UBE2D3: variants seen among roughly 807,000 people sequenced by gnomAD.
UBE2D3 encodes ubiquitin conjugating enzyme E2 D3.
Under a neutral mutation model 22.8 loss-of-function variants are expected in UBE2D3, and 2 were observed. The observed-to-expected ratio is 0.09, with a 90% CI of 0.04 to 0.28. UBE2D3 has a LOEUF of 0.28. UBE2D3 is among the 10% of genes least tolerant of loss of function. The pLI is 1.00. For synonymous variants in UBE2D3, 56 were observed against 60.4 expected (o/e 0.93, Z 0.34); for missense variants, 27 against 182.5 (o/e 0.15, Z 4.91).
intron 4 of UBE2D3, among the ~76,000 whole-genome samples, chr4:102,806,028 T>C (rs1255800158): frequency 6.6e-6 from 1 of 152,220 alleles, no homozygotes; most frequent in African/African-American, 2.4e-5. Context: ...GATGTTATCT[T>C]CAGCCTAGAT....
intron 2 of UBE2D3, 22 bp from the exon 3 acceptor site, chr4:102,809,877 G>T (rs1452607567): frequency 6.2e-7 from 1 of 1,608,986 alleles, no homozygotes; most frequent in East Asian, 2.2e-5. Flanking sequence ...CAGAAAATGG[G>T]TGAGTCACAT....
rs368348288 is a variant in UBE2D3 at position 102,821,007 on chromosome 4, A to G, written c.24+5478T>C. 3.9e-5 allele frequency among the ~76,000 whole-genome samples: 6 copies of G among 152,294 alleles called. No individual in the cohort carries two copies. The South Asian group carries it at 6.2e-4, about 16-fold the overall frequency. Reference sequence around the variant, plus strand: ...ATCAGATGTTTCAACAAAGTATAAAAATACTTCCCTAAACTTTTCCCTTCC... The same window carrying G: ...ATCAGATGTTTCAACAAAGTATAAAGATACTTCCCTAAACTTTTCCCTTCC... On this transcript the variant is annotated intron_variant, in intron 2 of 7. Coordinates refer to ENST00000453744, the MANE Select transcript of UBE2D3 (RefSeq NM_181891.3).
intron 2 of UBE2D3, among the ~76,000 whole-genome samples, chr4:102,821,609 T>G (rs564479089): frequency 3.1e-5 from 1 of 31,938 alleles, no homozygotes; most frequent in Non-Finnish European, 5.5e-5. Context: ...GCAGCTGTAT[T>G]TTTTTTTTTA....
intron 2 of UBE2D3, chr4:102,825,836 T>C (rs997548909): frequency 9.1e-5 from 41 of 451,326 alleles, no homozygotes; most frequent in African/African-American, 1.4e-4. Flanking sequence ...CTCGGATAAA[T>C]AGCTTCGGGT....
intron 4 of UBE2D3, among the ~76,000 whole-genome samples, chr4:102,805,438 G>A (rs2110267286): frequency 6.6e-6 from 1 of 151,458 alleles, no homozygotes; most frequent in East Asian, 1.9e-4. Context: ...TCTCATCAGT[G>A]CAAAGTTGCT....
chr4:102,824,378 T>C (rs757576194), intron 2 of UBE2D3, among the ~76,000 whole-genome samples: 6 of 152,238 alleles, frequency 3.9e-5, no homozygotes, highest in Non-Finnish European at 8.8e-5. Flanking sequence ...CTGTTCAAAT[T>C]TGCACATTAA....
chr4:102,805,190 C>A (rs1439176112), intron 4 of UBE2D3, among the ~76,000 whole-genome samples: 1 of 152,120 alleles, frequency 6.6e-6, no homozygotes, highest in Non-Finnish European at 1.5e-5. Flanking sequence ...CAATTTAACA[C>A]TAAAGTTCTG....
At chr4:102,798,900 G>T in intron 7 of UBE2D3, 1 of 1,608,872 alleles carries the variant, frequency 6.2e-7, no homozygotes. Flanking sequence ...ACCATAATAA[G>T]CGCACCATAG....
intron 1 of UBE2D3, among the ~76,000 whole-genome samples, chr4:102,860,076 T>A (rs1732809604): frequency 6.6e-6 from 1 of 152,028 alleles, no homozygotes; most frequent in African/African-American, 2.4e-5. Context: ...CTCGATCTCC[T>A]AACCTCATGA....
At chr4:102,817,882 T>C (rs1024046217) in intron 2 of UBE2D3, among the ~76,000 whole-genome samples, 5 of 152,214 alleles carry the variant, frequency 3.3e-5, no homozygotes, top group Admixed American at 3.3e-4. Flanking sequence ...TAATTTTGTC[T>C]ACGATAGTCA....
chr4:102,865,147 A>G (rs532072643), intron 1 of UBE2D3, among the ~76,000 whole-genome samples: 1 of 152,318 alleles, frequency 6.6e-6, no homozygotes, highest in Non-Finnish European at 1.5e-5. Flanking sequence ...CACAAATTGT[A>G]AAGAAAAAGA....
At chr4:102,799,885 A>G (rs1725870934) in intron 6 of UBE2D3, among the ~76,000 whole-genome samples, 2 of 150,746 alleles carry the variant, frequency 1.3e-5, no homozygotes, top group Non-Finnish European at 2.9e-5. Flanking sequence ...TGCCATATTC[A>G]TAGCCATTAG....
chr4:102,850,136 AAATAT>A (rs1732266907), intron 1 of UBE2D3, among the ~76,000 whole-genome samples: 1 of 152,232 alleles, frequency 6.6e-6, no homozygotes. Context: ...TCATTTTCAG[AAATAT>A]AATGGTGAAA....
chr4:102,850,777 C>T (rs555689168), intron 1 of UBE2D3, among the ~76,000 whole-genome samples: 4 of 152,240 alleles, frequency 2.6e-5, no homozygotes, highest in African/African-American at 9.6e-5. Flanking sequence ...TAATGGCATT[C>T]ACAGCAACTT....
intron 4 of UBE2D3, among the ~76,000 whole-genome samples, chr4:102,803,736 T>C (rs963500893): frequency 6.6e-6 from 1 of 152,178 alleles, no homozygotes; most frequent in Non-Finnish European, 1.5e-5. Context: ...TAATGAAGAA[T>C]CAGGTTCAAA....
At chr4:102,799,186 GA>G (rs796245263) in intron 7 of UBE2D3, among the ~76,000 whole-genome samples, 12 of 146,010 alleles carry the variant, frequency 8.2e-5, no homozygotes, top group East Asian at 2.0e-4. Context: ...AACACGCTAG[GA>G]AAAAAAAAAC....
rs754676400 is a variant in UBE2D3 at position 102,802,543 on chromosome 4, T to G, written c.198+18A>C. 1.3e-6 allele frequency: 2 copies of G among 1,588,892 alleles called. No homozygotes were observed. The highest frequency in any genetic ancestry group is 1.4e-5 in the African/African-American group (1 of 73,682). On this transcript the variant is annotated intron_variant, in intron 5 of 7. Coordinates refer to ENST00000453744, the MANE Select transcript of UBE2D3 (RefSeq NM_181891.3). ...AAGCATAAATCTATACTAACAGATT[T>G]TGAGGGAAAATACTTGCCTTAGGTG...
At chr4:102,849,136 G>A (rs1732204833) in intron 1 of UBE2D3, among the ~76,000 whole-genome samples, 1 of 152,040 alleles carries the variant, frequency 6.6e-6, no homozygotes, top group African/African-American at 2.4e-5. Flanking sequence ...GAGAAGCTGA[G>A]GCAAGAGGAT....
At chr4:102,800,682 A>G (rs992680817) in intron 6 of UBE2D3, among the ~76,000 whole-genome samples, 1 of 152,076 alleles carries the variant, frequency 6.6e-6, no homozygotes, top group African/African-American at 2.4e-5. Context: ...ATTCTACTCA[A>G]TAAAGTTTGG....
Sources: gnomAD v4.1 joint callset for allele counts (sites outside exome capture counted in the v4.1 genomes callset) on GRCh38, gnomAD v4.1.1 for gene constraint, MANE v1.5 for transcripts, NCBI Gene and HGNC (gene_info 2026-07-23, HGNC 2026-07-21) for gene names.